SOX14: variants seen among roughly 807,000 people sequenced by gnomAD.
The protein encoded by SOX14 is SRY-box transcription factor 14.
A neutral mutation model predicts 14.8 loss-of-function variants in SOX14; 5 were observed. That is an observed-to-expected ratio of 0.34 (90% CI 0.18 to 0.71). The LOEUF (loss-of-function observed/expected upper bound fraction) is 0.71, where lower values mean the gene tolerates loss of function less well. Ranked by LOEUF, SOX14 falls within the 30% of genes least tolerant of loss-of-function variation. The probability of loss-of-function intolerance (pLI) is 0.64; values close to 1 mark genes in which losing one functional copy is unlikely to be tolerated. For synonymous variants in SOX14, 164 were observed against 146.3 expected (o/e 1.12, Z -0.87); for missense variants, 270 against 329.7 (o/e 0.82, Z 1.40).
Position 137,764,926 on chromosome 3 carries a change from C to T in SOX14, c.142C>T (p.Leu48Phe). 1 of 1,614,258 alleles carries T rather than the reference C, an allele frequency of 6.2e-7. No individual in the cohort carries two copies. Among genetic ancestry groups the T allele is most frequent in the African/African-American group, 1.3e-5 (1 of 75,072 alleles). ...CAAACGCCTAGGTGCCGAATGGAAG[C>T]TTCTGTCCGAGGCAGAGAAGCGGCC... ...ISKRLGAEWK[L>F]LSEAEKRPYI... is the part of the protein sequence containing the mutation. The change falls in exon 1 of 1, where the codon CTT becomes TTT. Residue 48 changes from leucine to phenylalanine, a missense_variant. Leu to Phe is a conservative substitution (Grantham distance 22, BLOSUM62 0). This residue lies in a region of SOX14 where 63 missense variants were observed against 118.8 expected (regional missense o/e 0.53). Coordinates refer to ENST00000306087, the MANE Select transcript of SOX14 (RefSeq NM_004189.4).
chr3:137,765,435 C>T lies in SOX14; in HGVS notation c.651C>T (p.Ala217=). Reference sequence around the variant, plus strand: ...CCTCCACCCTGCAGCCCCCCGTCGCCTACATCCTCTTCCCAGGCATGACCA... The same window carrying T: ...CCTCCACCCTGCAGCCCCCCGTCGCTTACATCCTCTTCCCAGGCATGACCA... ...WSASTLQPPV[A]YILFPGMTKT... The change falls in exon 1 of 1, where the codon GCC becomes GCT. Residue 217 remains alanine, a synonymous_variant. Transcript: ENST00000306087. 1 of 1,613,902 alleles carries T rather than the reference C, an allele frequency of 6.2e-7. No homozygotes were observed. Among genetic ancestry groups the T allele is most frequent in the Non-Finnish European group, 8.5e-7 (1 of 1,179,972 alleles).
At position 137,764,846 on chromosome 3, in the gene SOX14, G is replaced by A. The variant is rs375023583; in HGVS notation, c.62G>A (p.Gly21Asp). The change falls in exon 1 of 1, where the codon GGC becomes GAC. Residue 21 changes from glycine to aspartate, a missense_variant. Around this residue, in one of 2 missense-constraint regions of SOX14, gnomAD observed 63 missense variants for 118.8 expected, o/e 0.53. Transcript: ENST00000306087. Reference sequence around the variant, plus strand: ...AACGCCTTCATGGTATGGTCCCGGGGCCAGCGGCGCAAGATGGCCCAGGAA... The same window carrying A: ...AACGCCTTCATGGTATGGTCCCGGGACCAGCGGCGCAAGATGGCCCAGGAA... ...PMNAFMVWSR[G>D]QRRKMAQENP... The A allele has an allele frequency of 7.4e-6, 12 of 1,614,082 alleles. No individual in the cohort carries two copies. The highest frequency in any genetic ancestry group is 1.3e-5 in the African/African-American group (1 of 74,940).
In SOX14 at chr3:137,765,485, C is replaced by T. The variant is rs762380934; in HGVS notation, c.701C>T (p.Ser234Leu). 1.2e-6 allele frequency: 2 copies of T among 1,608,280 alleles called. No homozygotes were observed. The highest frequency in any genetic ancestry group is 1.7e-6 in the Non-Finnish European group (2 of 1,176,920). Residue 234 changes from serine to leucine, a missense_variant, in exon 1 of 1, where the codon TCA becomes TTA. Around this residue, in one of 2 missense-constraint regions of SOX14, gnomAD observed 207 missense variants for 210.9 expected, o/e 0.98. Transcript: ENST00000306087. ...AAGACTGGCATAGACCCTTATTCGT[C>T]AGCCCACGCTACGGCCATGTAACCC... ...MTKTGIDPYS[S>L]AHATAM
At position 137,765,481 on chromosome 3, in the gene SOX14, T is replaced by A; in HGVS notation, c.697T>A (p.Ser233Thr). ...GMTKTGIDPY[S>T]SAHATAM ...GACCAAGACTGGCATAGACCCTTAT[T>A]CGTCAGCCCACGCTACGGCCATGTA... Residue 233 changes from serine (S) to threonine (T), a missense_variant, in exon 1 of 1, where the codon TCG becomes ACG. Ser to Thr is a moderately conservative substitution (Grantham distance 58). This residue lies in a region of SOX14 where 207 missense variants were observed against 210.9 expected (regional missense o/e 0.98). Transcript: ENST00000306087. The A allele has an allele frequency of 6.2e-7, 1 of 1,609,632 alleles. No homozygotes were observed. Among genetic ancestry groups the A allele is most frequent in the Non-Finnish European group, 8.5e-7 (1 of 1,177,662 alleles).
Position 137,764,408 on chromosome 3 carries a change from C to A in SOX14, c.-377C>A. The A allele has an allele frequency of 4.8e-6, 1 of 207,960 alleles. No individual in the cohort carries two copies. The highest frequency in any genetic ancestry group is 9.5e-6 in the Non-Finnish European group (1 of 105,246). 12.9% of individuals were successfully genotyped at this position (207,960 alleles called of 1,614,324 possible). On this transcript the variant is annotated 5_prime_UTR_variant, in exon 1 of 1. Transcript: ENST00000306087. ...GGAAACGCAAGAGGAGAGAAGGGAACTAGAGAAGGCAAAGGTGGAGAGGGG... is the reference window on the plus strand; with the variant it reads ...GGAAACGCAAGAGGAGAGAAGGGAAATAGAGAAGGCAAAGGTGGAGAGGGG...
Position 137,765,286 on chromosome 3 carries a change from T to C in SOX14, c.502T>C (p.Ser168Pro). Residue 168 changes from serine (S) to proline (P), a missense_variant, in exon 1 of 1, where the codon TCC becomes CCC. Around this residue, in one of 2 missense-constraint regions of SOX14, gnomAD observed 207 missense variants for 210.9 expected, o/e 0.98. Transcript: ENST00000306087. ...GGCTACCGGCGCTCTGCCCTACGCG[T>C]CCACCCTGGGCTACCAGAACGGCGC... is the stretch of plus-strand genomic sequence containing the variant. Reference protein sequence around the residue: ...TLATGALPYASTLGYQNGAFG... With the variant: ...TLATGALPYAPTLGYQNGAFG... 6.3e-7 allele frequency: 1 copy of C among 1,584,302 alleles called. No homozygotes were observed. The highest frequency in any genetic ancestry group is 1.1e-5 in the South Asian group (1 of 88,108).
chr3:137,764,730 G>T lies in SOX14; in HGVS notation c.-55G>T, dbSNP rs1289020499. 1.3e-6 allele frequency: 2 copies of T among 1,574,724 alleles called. No individual in the cohort carries two copies. Among genetic ancestry groups the T allele is most frequent in the Non-Finnish European group, 1.7e-6 (2 of 1,163,476 alleles). ...CAGACAGACGGCCAGCCGCGCCCAG[G>T]CTCGTCTGCAGAACCCTTGCACTCC... On this transcript the variant is annotated 5_prime_UTR_variant, in exon 1 of 1. Coordinates refer to ENST00000306087, the MANE Select transcript of SOX14 (RefSeq NM_004189.4).
In SOX14 at chr3:137,765,404, G is replaced by A; in HGVS notation, c.620G>A (p.Trp207Ter). Reference protein sequence around the residue: ...GYVVPCNCTAWSASTLQPPVA... With the variant: ...GYVVPCNCTA ...GTGGTGCCCTGTAACTGTACCGCCT[G>A]GTCTGCCTCCACCCTGCAGCCCCCC... Residue 207 changes from tryptophan to a stop codon, truncating the protein, a stop_gained, in exon 1 of 1, where the codon TGG becomes TAG. Transcript: ENST00000306087. LOFTEE classifies it high-confidence loss of function. The A allele has an allele frequency of 6.2e-7, 1 of 1,613,646 alleles. No individual in the cohort carries two copies. Among genetic ancestry groups the A allele is most frequent in the African/African-American group, 1.3e-5 (1 of 75,056 alleles).
Position 137,764,410 on chromosome 3 carries a change from A to C in SOX14, c.-375A>C. The C allele has an allele frequency of 4.8e-6, 1 of 208,902 alleles. No homozygotes were observed. Among genetic ancestry groups the C allele is most frequent in the Non-Finnish European group, 9.5e-6 (1 of 105,636 alleles). 12.9% of individuals were successfully genotyped at this position (208,902 alleles called of 1,614,324 possible). ...AAACGCAAGAGGAGAGAAGGGAACT[A>C]GAGAAGGCAAAGGTGGAGAGGGGGA... On this transcript the variant is annotated 5_prime_UTR_variant, in exon 1 of 1. Transcript: ENST00000306087.
At position 137,765,689 on chromosome 3, in the gene SOX14, A is replaced by C. The variant is rs1939232172; in HGVS notation, c.*182A>C. The C allele has an allele frequency of 8.3e-6, 6 of 725,782 alleles. No homozygotes were observed. Among genetic ancestry groups the C allele is most frequent in the Non-Finnish European group, 1.3e-5 (6 of 474,840 alleles). 45.0% of individuals were successfully genotyped at this position (725,782 alleles called of 1,614,324 possible). A position where few individuals can be genotyped will look rare whatever the true frequency, so the allele number is the denominator to read the frequency against. On this transcript the variant is annotated 3_prime_UTR_variant, in exon 1 of 1. Coordinates refer to ENST00000306087, the MANE Select transcript of SOX14 (RefSeq NM_004189.4). Reference sequence around the variant, plus strand: ...GGGCGTCCTCCCGGACCCAAGGCGCAGACAGGTACCGGAAACTTGCAAACG... The same window carrying C: ...GGGCGTCCTCCCGGACCCAAGGCGCCGACAGGTACCGGAAACTTGCAAACG...
In SOX14 at chr3:137,764,906, G is replaced by A. The variant is rs1939213819; in HGVS notation, c.122G>A (p.Arg41His). 3 of 1,614,234 alleles carry A rather than the reference G, an allele frequency of 1.9e-6. No homozygotes were observed. Among genetic ancestry groups the A allele is most frequent in the Non-Finnish European group, 2.5e-6 (3 of 1,180,048 alleles). The change falls in exon 1 of 1, where the codon CGC becomes CAC. Residue 41 changes from arginine (R) to histidine (H), a missense_variant. By Grantham distance (29) the Arg-to-His change is conservative. This residue lies in a region of SOX14 where 63 missense variants were observed against 118.8 expected (regional missense o/e 0.53). Transcript: ENST00000306087. ...PKMHNSEISK[R>H]LGAEWKLLSE... ...ATGCACAACTCGGAGATCAGCAAAC[G>A]CCTAGGTGCCGAATGGAAGCTTCTG...
At position 137,764,590 on chromosome 3, in the gene SOX14, G is replaced by C; in HGVS notation, c.-195G>C. The C allele has an allele frequency of 2.2e-6, 1 of 445,920 alleles. No individual in the cohort carries two copies. The allele number at this position is 445,920 out of a possible 1,614,324, so 27.6% of individuals were successfully genotyped here. On this transcript the variant is annotated 5_prime_UTR_variant, in exon 1 of 1. Transcript: ENST00000306087. ...TGCCCCCACTCGCTCCCCCGGGGCT[G>C]CCTGGGCGCTGGGACTGGCATGATC...
chr3:137,764,958 C>T lies in SOX14; in HGVS notation c.174C>T (p.Ile58=), dbSNP rs891398867. ...LLSEAEKRPY[I]DEAKRLRAQH... is the part of the protein sequence containing the mutation. ...CCGAGGCAGAGAAGCGGCCATACAT[C>T]GATGAAGCCAAGCGGCTACGCGCCC... The change falls in exon 1 of 1, where the codon ATC becomes ATT. Residue 58 remains isoleucine, a synonymous_variant. Transcript: ENST00000306087. 1 of 1,614,262 alleles carries T rather than the reference C, an allele frequency of 6.2e-7. No homozygotes were observed. The highest frequency in any genetic ancestry group is 1.7e-5 in the Admixed American group (1 of 60,032).
In SOX14 at chr3:137,764,781, G is replaced by C. The variant is rs915752014; in HGVS notation, c.-4G>C. The C allele has an allele frequency of 5.0e-6, 8 of 1,613,200 alleles. No individual in the cohort carries two copies. The African/African-American group carries it at 1.1e-4, about 22-fold the overall frequency. ...CTACCCCCACCCACCTAGCCGCCGG[G>C]ACCATGTCCAAACCTTCAGACCACA... On this transcript the variant is annotated 5_prime_UTR_variant, in exon 1 of 1. Coordinates refer to ENST00000306087, the MANE Select transcript of SOX14 (RefSeq NM_004189.4).
rs17838820 is a variant in SOX14, at chr3:137,764,483, T to A, written c.-302T>A. Reference sequence around the variant, plus strand: ...GCTAAAAAATTACCTGGCCACTTAATCCCGGAGACTCCGATACTTGGGTCC... The same window carrying A: ...GCTAAAAAATTACCTGGCCACTTAAACCCGGAGACTCCGATACTTGGGTCC... On this transcript the variant is annotated 5_prime_UTR_variant, in exon 1 of 1. Coordinates refer to ENST00000306087, the MANE Select transcript of SOX14 (RefSeq NM_004189.4). 0.019 allele frequency: 7,652 copies of A among 394,336 alleles called. 113 individuals are homozygous for A. The highest frequency in any genetic ancestry group is 0.033 in the African/African-American group (1,599 of 48,452). The allele number at this position is 394,336 out of a possible 1,614,324, so 24.4% of individuals were successfully genotyped here. A position where few individuals can be genotyped will look rare whatever the true frequency, so the allele number is the denominator to read the frequency against.
At position 137,765,149 on chromosome 3, in the gene SOX14, C is replaced by T; in HGVS notation, c.365C>T (p.Pro122Leu). The T allele has an allele frequency of 6.2e-7, 1 of 1,612,766 alleles. No homozygotes were observed. The highest frequency in any genetic ancestry group is 1.1e-5 in the South Asian group (1 of 91,022). Residue 122 changes from proline to leucine, a missense_variant, in exon 1 of 1, where the codon CCC becomes CTC. Physicochemically the swap from Pro to Leu is moderately conservative, Grantham distance 98 (BLOSUM62 -3). Around this residue, in one of 2 missense-constraint regions of SOX14, gnomAD observed 207 missense variants for 210.9 expected, o/e 0.98. Transcript: ENST00000306087. ...GCCTCCGACGGCCTCCTGAGCGCGC[C>T]CGAGAAAGCCCGGGCCTTCTTGCCG... ...VGASDGLLSAPEKARAFLPPA... is the reference protein window; with the variant it reads ...VGASDGLLSALEKARAFLPPA...
chr3:137,764,952 A>G lies in SOX14; in HGVS notation c.168A>G (p.Pro56=). The G allele has an allele frequency of 2.5e-6, 4 of 1,614,272 alleles. No individual in the cohort carries two copies. Among genetic ancestry groups the G allele is most frequent in the Non-Finnish European group, 3.4e-6 (4 of 1,180,048 alleles). The stretch of plus-strand genomic sequence containing the variant: ...TTCTGTCCGAGGCAGAGAAGCGGCC[A>G]TACATCGATGAAGCCAAGCGGCTAC... ...WKLLSEAEKR[P]YIDEAKRLRA... Residue 56 remains proline (P), a synonymous_variant, in exon 1 of 1, where the codon CCA becomes CCG. Coordinates refer to ENST00000306087, the MANE Select transcript of SOX14 (RefSeq NM_004189.4).
In SOX14 at chr3:137,765,519, G is replaced by A. The variant is rs778667363; in HGVS notation, c.*12G>A. On this transcript the variant is annotated 3_prime_UTR_variant, in exon 1 of 1. Coordinates refer to ENST00000306087, the MANE Select transcript of SOX14 (RefSeq NM_004189.4). Reference sequence around the variant, plus strand: ...CTACGGCCATGTAACCCCCAGCCCGGCCCGGACCTGAGGCGTGGTCTGAAA... The same window carrying A: ...CTACGGCCATGTAACCCCCAGCCCGACCCGGACCTGAGGCGTGGTCTGAAA... 34 of 1,583,226 alleles carry A rather than the reference G, an allele frequency of 2.1e-5. No homozygotes were observed. The highest frequency in any genetic ancestry group is 4.5e-5 in the East Asian group (2 of 44,564).
chr3:137,764,931 G>T lies in SOX14; in HGVS notation c.147G>T (p.Leu49=), dbSNP rs758724387. ...SKRLGAEWKL[L]SEAEKRPYID... is the part of the protein sequence containing the mutation. ...GCCTAGGTGCCGAATGGAAGCTTCT[G>T]TCCGAGGCAGAGAAGCGGCCATACA... Residue 49 remains leucine (L), a synonymous_variant, in exon 1 of 1, where the codon CTG becomes CTT. Transcript: ENST00000306087. The T allele has an allele frequency of 6.2e-7, 1 of 1,614,138 alleles. No homozygotes were observed. Among genetic ancestry groups the T allele is most frequent in the East Asian group, 2.2e-5 (1 of 44,888 alleles).
Sources: allele counts gnomAD v4.1 joint callset, GRCh38; gene constraint gnomAD v4.1.1; regional missense constraint gnomAD v4.1.1; transcripts MANE v1.5; gene names NCBI Gene and HGNC (gene_info 2026-07-23, HGNC 2026-07-21).